Variants in ARK2C observed in about 807,000 individuals in gnomAD.
ARK2C encodes E3 ubiquitin-protein ligase ARK2C.
chr18:46,438,064 TG>T, the ARK2C span, among the ~76,000 whole-genome samples: 1 of 152,202 alleles, frequency 6.6e-6, no homozygotes, highest in East Asian at 1.9e-4. Context: ...GACCACACCA[TG>T]TTCAAGAACA....
At chr18:46,365,152 G>A in the ARK2C span, among the ~76,000 whole-genome samples, 5 of 152,208 alleles carry the variant, frequency 3.3e-5, no homozygotes, top group African/African-American at 1.2e-4. Flanking sequence ...TGTTAGAGGT[G>A]GGAAAGTAGA....
chr18:46,343,778 G>A, the ARK2C span, among the ~76,000 whole-genome samples: 937 of 152,322 alleles, frequency 6.2e-3, 3 homozygotes, highest in Non-Finnish European at 9.5e-3. Flanking sequence ...GACTCAGTAG[G>A]CACGTGAACT....
the ARK2C span, among the ~76,000 whole-genome samples, chr18:46,425,782 G>T: frequency 6.6e-6 from 1 of 152,124 alleles, no homozygotes; most frequent in African/African-American, 2.4e-5. Flanking sequence ...CCTCCTCCCT[G>T]GGAGGCCCCC....
At chr18:46,376,664 C>CTTTTTTTTTTTTTTTTTTTT in the ARK2C span, among the ~76,000 whole-genome samples, 1 of 72,246 alleles carries the variant, frequency 1.4e-5, no homozygotes, top group Non-Finnish European at 2.4e-5. Flanking sequence ...GGTTAATAAT[C>CTTTTTTTTTTTTTTTTTTTT]TTTTTTTTTT....
chr18:46,381,027 C>A, the ARK2C span, among the ~76,000 whole-genome samples: 1 of 152,332 alleles, frequency 6.6e-6, no homozygotes, highest in Admixed American at 6.5e-5. Context: ...GTCCTCTGGC[C>A]ATGTGTGGGA....
the ARK2C span, among the ~76,000 whole-genome samples, chr18:46,338,523 TG>T: frequency 1.3e-5 from 2 of 152,082 alleles, no homozygotes; most frequent in East Asian, 3.9e-4. Context: ...TGTCTAAGTG[TG>T]TGTGTTGAGG....
At chr18:46,402,043 T>C in the ARK2C span, among the ~76,000 whole-genome samples, 1 of 152,224 alleles carries the variant, frequency 6.6e-6, no homozygotes, top group Non-Finnish European at 1.5e-5. Context: ...TCTCTCACGG[T>C]TTATGAGGCA....
the ARK2C span, among the ~76,000 whole-genome samples, chr18:46,348,117 G>A: frequency 3.3e-5 from 5 of 152,012 alleles, no homozygotes; most frequent in Admixed American, 1.3e-4. Context: ...CTCTTAGCCT[G>A]CGGCAGACAT....
the ARK2C span, chr18:46,334,380 C>T: frequency 1.4e-5 from 21 of 1,548,550 alleles, no homozygotes; most frequent in Non-Finnish European, 1.7e-5. The surrounding 1 kb of genome is among the most constrained non-coding windows in gnomAD (Gnocchi z 4.4). Context: ...CGTGGATCGC[C>T]GCAGGCACCG....
the ARK2C span, among the ~76,000 whole-genome samples, chr18:46,405,450 G>A: frequency 6.6e-6 from 1 of 152,196 alleles, no homozygotes; most frequent in Non-Finnish European, 1.5e-5. Context: ...GGCCCAGGCA[G>A]GGACAGGAGG....
chr18:46,375,213 C>T, the ARK2C span, among the ~76,000 whole-genome samples: 19 of 152,296 alleles, frequency 1.2e-4, no homozygotes, highest in Non-Finnish European at 2.4e-4. Flanking sequence ...TGTCACTGGC[C>T]GCATCTATAT....
chr18:46,375,149 G>A, the ARK2C span, among the ~76,000 whole-genome samples: 24 of 152,084 alleles, frequency 1.6e-4, no homozygotes, highest in East Asian at 1.2e-3. Context: ...AACTCCCCCC[G>A]CCCTCAGAGG....
chr18:46,356,314 C>T, the ARK2C span, among the ~76,000 whole-genome samples: 1 of 152,114 alleles, frequency 6.6e-6, no homozygotes, highest in African/African-American at 2.4e-5. Flanking sequence ...GGAAGGCAGA[C>T]AGCAAACAAG....
At chr18:46,424,087 C>T in the ARK2C span, among the ~76,000 whole-genome samples, 1 of 152,226 alleles carries the variant, frequency 6.6e-6, no homozygotes, top group Non-Finnish European at 1.5e-5. Flanking sequence ...AAAATTCATA[C>T]ACAAACAAAA....
chr18:46,393,910 T>C, the ARK2C span, among the ~76,000 whole-genome samples: 275 of 152,346 alleles, frequency 1.8e-3, no homozygotes, highest in Non-Finnish European at 3.4e-3. Context: ...GAATATTAGT[T>C]GATGTGAGGC....
At chr18:46,366,010 T>G in the ARK2C span, among the ~76,000 whole-genome samples, 85 of 151,960 alleles carry the variant, frequency 5.6e-4, no homozygotes, top group African/African-American at 1.9e-3. Context: ...AGATAACTCT[T>G]GGCTGGGCGC....
the ARK2C span, among the ~76,000 whole-genome samples, chr18:46,368,543 C>A: frequency 1.3e-5 from 2 of 152,356 alleles, no homozygotes; most frequent in African/African-American, 2.4e-5. Flanking sequence ...CCCAGCTCCA[C>A]TGGTCATTTA....
At chr18:46,365,697 G>A in the ARK2C span, among the ~76,000 whole-genome samples, 1 of 152,062 alleles carries the variant, frequency 6.6e-6, no homozygotes, top group Non-Finnish European at 1.5e-5. Flanking sequence ...TAGAGATGGG[G>A]TTTCACAATG....
At chr18:46,372,148 G>A in the ARK2C span, among the ~76,000 whole-genome samples, 1 of 152,146 alleles carries the variant, frequency 6.6e-6, no homozygotes. Flanking sequence ...AGGGCCTTAG[G>A]AGCTGGACGG....
Sources: allele counts gnomAD v4.1 joint callset (sites outside exome capture counted in the v4.1 genomes callset), GRCh38; gene constraint gnomAD v4.1.1; non-coding constraint Gnocchi (gnomAD v3.1); transcripts MANE v1.5; gene names NCBI Gene and HGNC (gene_info 2026-07-23, HGNC 2026-07-21).